CDH4: variants seen among roughly 807,000 people sequenced by gnomAD.
CDH4 encodes cadherin 4.
Under a neutral mutation model 86.0 loss-of-function variants are expected in CDH4, and 33 were observed. The ratio of observed to expected loss-of-function variants is 0.38; its 90% confidence interval spans 0.29 to 0.51. The LOEUF (loss-of-function observed/expected upper bound fraction) is 0.51, where lower values mean the gene tolerates loss of function less well. Among genes scored for constraint, CDH4 ranks in the 20% least tolerant of loss-of-function variants. CDH4 has a pLI of 0.86. For missense variants in CDH4, 1,114 were observed against 1,307.4 expected (o/e 0.85, Z 2.28); for synonymous variants, 555 against 549.4 (o/e 1.01, Z -0.14).
intron 2 of CDH4, among the ~76,000 whole-genome samples, chr20:61,610,629 G>A (rs2086677991): frequency 6.6e-6 from 1 of 152,136 alleles, no homozygotes; most frequent in African/African-American, 2.4e-5. Flanking sequence ...GCATATGAGG[G>A]CTCCCCTTTC....
chr20:61,652,938 A>ATTTTTATTTTTTTTTTTTT (rs2087138479), intron 2 of CDH4, among the ~76,000 whole-genome samples: 4 of 97,400 alleles, frequency 4.1e-5, no homozygotes, highest in Admixed American at 1.1e-4. Context: ...TTATTTATTT[A>ATTTTTATTTTTTTTTTTTT]TTTTTTTTTT....
chr20:61,321,222 CT>C (rs1471870816), intron 2 of CDH4, among the ~76,000 whole-genome samples: 1 of 152,182 alleles, frequency 6.6e-6, no homozygotes, highest in African/African-American at 2.4e-5. Flanking sequence ...TTATTTAACT[CT>C]GCAAATTAGA....
chr20:61,649,178 C>T (rs2087095603), intron 2 of CDH4, among the ~76,000 whole-genome samples: 1 of 152,226 alleles, frequency 6.6e-6, no homozygotes, highest in Admixed American at 6.5e-5. Context: ...GGGCTCTTCC[C>T]CCTTCTATGG....
rs1280520389 is a variant in CDH4, at chr20:61,939,021, TCTGAG to T, written c.*2082_*2086del. 1 of 152,448 alleles carries T rather than the reference TCTGAG, an allele frequency of 6.6e-6. No individual in the cohort carries two copies. The highest frequency in any genetic ancestry group is 1.5e-5 in the Non-Finnish European group (1 of 68,262). The allele number at this position is 152,448 out of a possible 1,614,324, so 9.4% of individuals were successfully genotyped here. On this transcript the variant is annotated 3_prime_UTR_variant, in exon 16 of 16. Coordinates refer to ENST00000614565, the MANE Select transcript of CDH4 (RefSeq NM_001794.5). The stretch of plus-strand genomic sequence containing the variant: ...CCAGGCCGCACCGGGGTCCCCGAGT[TCTGAG>T]CTGTGCTATGCAAACAAGAATGCTC...
intron 2 of CDH4, among the ~76,000 whole-genome samples, chr20:61,659,835 G>A (rs1014485279): frequency 2.0e-5 from 3 of 152,220 alleles, no homozygotes; most frequent in Non-Finnish European, 4.4e-5. Flanking sequence ...GGGTGAAGTG[G>A]GCGGGCAGAG....
At chr20:61,664,641 T>G (rs1045568922) in intron 2 of CDH4, among the ~76,000 whole-genome samples, 4 of 152,240 alleles carry the variant, frequency 2.6e-5, no homozygotes, top group African/African-American at 9.6e-5. Context: ...CTCCCTGAGA[T>G]GCTTGTGTTC....
chr20:61,471,818 T>C (rs2085505460), intron 2 of CDH4, among the ~76,000 whole-genome samples: 1 of 152,180 alleles, frequency 6.6e-6, no homozygotes, highest in South Asian at 2.1e-4. Flanking sequence ...TTGTATAGTT[T>C]CCAAAATTCC....
intron 2 of CDH4, among the ~76,000 whole-genome samples, chr20:61,463,987 A>G (rs2085459198): frequency 6.6e-6 from 1 of 152,042 alleles, no homozygotes; most frequent in Non-Finnish European, 1.5e-5. Flanking sequence ...TTGAACTTAT[A>G]CCTCTCTTAC....
chr20:61,274,592 G>A (rs1600824434), intron 2 of CDH4, among the ~76,000 whole-genome samples: 1 of 31,622 alleles, frequency 3.2e-5, no homozygotes. Context: ...AGTACTGTGT[G>A]CAGCTTGGGG....
At chr20:61,261,388 G>A (rs568096549) in intron 2 of CDH4, among the ~76,000 whole-genome samples, 31 of 152,328 alleles carry the variant, frequency 2.0e-4, no homozygotes, top group South Asian at 4.1e-4. Context: ...CAGGTTTTGC[G>A]TTTGAGAAAT....
intron 2 of CDH4, among the ~76,000 whole-genome samples, chr20:61,405,275 G>A (rs1008312756): frequency 6.6e-6 from 1 of 151,228 alleles, no homozygotes; most frequent in Non-Finnish European, 1.5e-5. Flanking sequence ...CAGTGATTCC[G>A]TAATCCCCCT....
At chr20:61,693,015 G>T (rs1384471418) in intron 2 of CDH4, among the ~76,000 whole-genome samples, 1 of 152,106 alleles carries the variant, frequency 6.6e-6, no homozygotes, top group Admixed American at 6.5e-5. Flanking sequence ...CCAGCCCCGG[G>T]ATGGAGAGGA....
At chr20:61,528,472 A>AGAGGGAGGGGGG (rs2085928973) in intron 2 of CDH4, among the ~76,000 whole-genome samples, 16 of 34,330 alleles carry the variant, frequency 4.7e-4, no homozygotes, top group African/African-American at 9.4e-4. Context: ...AGGGAGGGGG[A>AGAGGGAGGGGGG]GGGGGAGAAA....
In CDH4 at chr20:61,843,490, G is replaced by A. The variant is rs57518627; in HGVS notation, c.577-1178G>A. On this transcript the variant is annotated intron_variant, in intron 4 of 15. Coordinates refer to ENST00000614565, the MANE Select transcript of CDH4 (RefSeq NM_001794.5). ...AAAAAAAAAAAAAAGCCAGAAGTTC[G>A]AGACCAGCCTGGGAAACATAGTGAG... 8.3e-3 allele frequency among the ~76,000 whole-genome samples: 1,011 copies of A among 121,088 alleles called. 34 individuals carry two copies. In the East Asian group the frequency reaches 0.11, roughly 13 times the overall value. 79.4% of individuals were successfully genotyped at this position (121,088 alleles called of 152,430 possible). A position where few individuals can be genotyped will look rare whatever the true frequency, so the allele number is the denominator to read the frequency against.
chr20:61,638,385 G>C (rs2086970994), intron 2 of CDH4, among the ~76,000 whole-genome samples: 1 of 152,178 alleles, frequency 6.6e-6, no homozygotes, highest in Non-Finnish European at 1.5e-5. Flanking sequence ...AACCCCTTGT[G>C]TTCTGTAGAA....
At position 61,882,694 on chromosome 20, in the gene CDH4, T is replaced by A. The variant is rs75414077; in HGVS notation, c.1050+8794T>A. Among the ~76,000 whole-genome samples the A allele has an allele frequency of 9.9e-4, 150 of 152,252 alleles. 1 individual carries two copies. The East Asian group carries it at 0.028, about 28-fold the overall frequency. On this transcript the variant is annotated intron_variant, in intron 7 of 15. Transcript: ENST00000614565. ...TAGAGAAATACTTCCTCTAGGTCTA[T>A]CAAAAGTGAGAAAATGAAAGACAAA...
chr20:61,925,680 G>A (rs1274236174), intron 11 of CDH4, among the ~76,000 whole-genome samples: 3 of 152,232 alleles, frequency 2.0e-5, no homozygotes, highest in African/African-American at 7.2e-5. Flanking sequence ...GGAGGAAACT[G>A]CAGCACAATT....
At chr20:61,366,969 C>T (rs1019975541) in intron 2 of CDH4, among the ~76,000 whole-genome samples, 7 of 152,192 alleles carry the variant, frequency 4.6e-5, no homozygotes, top group Admixed American at 4.6e-4. Context: ...GGGCCCTTTG[C>T]GGACCCTCCA....
At chr20:61,669,011 C>A (rs938414855) in intron 2 of CDH4, among the ~76,000 whole-genome samples, 1 of 152,198 alleles carries the variant, frequency 6.6e-6, no homozygotes, top group Non-Finnish European at 1.5e-5. Context: ...CCCTGTCCAG[C>A]GAAGCTCAGG....
Sources: gnomAD v4.1 joint callset for allele counts (sites outside exome capture counted in the v4.1 genomes callset) on GRCh38, gnomAD v4.1.1 for gene constraint, MANE v1.5 for transcripts, NCBI Gene and HGNC (gene_info 2026-07-23, HGNC 2026-07-21) for gene names.